NTRK3: variants seen among roughly 807,000 people sequenced by gnomAD.
The protein encoded by NTRK3 is NT-3 growth factor receptor.
In NTRK3, 24 loss-of-function variants were observed where a neutral mutation model predicts 91.7. The observed-to-expected ratio is 0.26, with a 90% CI of 0.19 to 0.37. NTRK3 has a LOEUF of 0.37. Ranked by LOEUF, NTRK3 falls within the 10% of genes least tolerant of loss-of-function variation. The pLI is 1.00. For synonymous variants in NTRK3, 483 were observed against 404.0 expected (o/e 1.20, Z -2.34); for missense variants, 880 against 1,068.9 (o/e 0.82, Z 2.46).
intron 14 of NTRK3, among the ~76,000 whole-genome samples, chr15:87,942,954 T>C (rs530010056): frequency 2.0e-5 from 3 of 152,284 alleles, no homozygotes; most frequent in South Asian, 2.1e-4. Flanking sequence ...CATCAGGACA[T>C]GGCAGGGTTG....
At chr15:88,076,565 C>T (rs2047559876) in intron 13 of NTRK3, among the ~76,000 whole-genome samples, 2 of 151,538 alleles carry the variant, frequency 1.3e-5, no homozygotes, top group South Asian at 4.2e-4. Context: ...CTACCACATG[C>T]CAAAAACTGC....
intron 14 of NTRK3, among the ~76,000 whole-genome samples, chr15:88,012,773 T>C (rs80124193): frequency 0.03 from 4,564 of 152,316 alleles, 240 homozygotes; most frequent in African/African-American, 0.1. Context: ...ACCAATATCT[T>C]ATACTGTGCT....
chr15:88,086,012 G>C (rs572128341), intron 13 of NTRK3, among the ~76,000 whole-genome samples: 1 of 152,194 alleles, frequency 6.6e-6, no homozygotes, highest in Non-Finnish European at 1.5e-5. Context: ...CAGTCTAAGA[G>C]GCATATGTCA....
intron 13 of NTRK3, among the ~76,000 whole-genome samples, chr15:88,097,869 G>A (rs1378663229): frequency 6.6e-6 from 1 of 152,238 alleles, no homozygotes; most frequent in African/African-American, 2.4e-5. Flanking sequence ...ATTTTGGGGT[G>A]CTAGCACAAG....
chr15:87,943,929 A>G (rs2070161621), intron 14 of NTRK3, among the ~76,000 whole-genome samples: 1 of 152,046 alleles, frequency 6.6e-6, no homozygotes, highest in African/African-American at 2.4e-5. Context: ...GCCCAAGCAG[A>G]AGCCTCCGTG....
In NTRK3 at chr15:88,096,643, T is replaced by C. The variant is rs541830513; in HGVS notation, c.1396+29628A>G. Among the ~76,000 whole-genome samples the C allele has an allele frequency of 4.9e-4, 74 of 152,280 alleles. 3 individuals are homozygous for C. The South Asian group carries it at 7.9e-3, about 16-fold the overall frequency. ...CAACCCAGAAGTGTGGGGTAATTAA[T>C]ACCACTGGAACAACCCATAACTAAT... is the stretch of plus-strand genomic sequence containing the variant. On this transcript the variant is annotated intron_variant, in intron 13 of 18. Transcript: ENST00000394480.
chr15:87,898,823 TAAAAAAAA>T (rs34425235), intron 17 of NTRK3, among the ~76,000 whole-genome samples: 1 of 103,986 alleles, frequency 9.6e-6, no homozygotes, highest in Non-Finnish European at 1.9e-5. Flanking sequence ...CTGTCTCTAC[TAAAAAAAA>T]AAAAAAAAAA....
intron 16 of NTRK3, chr15:87,931,131 T>A (rs2068758749): frequency 8.5e-6 from 4 of 469,334 alleles, no homozygotes; most frequent in African/African-American, 2.0e-5. Context: ...TTTATTTCCC[T>A]CCTACTATCT....
At chr15:88,252,209 T>G (rs74027926) in intron 3 of NTRK3, among the ~76,000 whole-genome samples, 3,030 of 152,210 alleles carry the variant, frequency 0.02, 108 homozygotes, top group African/African-American at 0.069. Context: ...CACCAAACTG[T>G]GCCTACCGAG....
intron 16 of NTRK3, among the ~76,000 whole-genome samples, chr15:87,931,566 A>G (rs1350061835): frequency 6.6e-6 from 1 of 152,234 alleles, no homozygotes; most frequent in African/African-American, 2.4e-5. Flanking sequence ...CCAATTTGCA[A>G]CTAAGATGTG....
At chr15:87,994,214 A>C (rs2075510295) in intron 14 of NTRK3, among the ~76,000 whole-genome samples, 1 of 152,152 alleles carries the variant, frequency 6.6e-6, no homozygotes, top group Non-Finnish European at 1.5e-5. Context: ...CAACAGACAA[A>C]GCATAGCAAA....
Position 88,032,411 on chromosome 15 carries a change from A to G in NTRK3, c.1585+446T>C, listed in dbSNP as rs183042694. Among the ~76,000 whole-genome samples, 17 of 152,168 alleles carry G rather than the reference A, an allele frequency of 1.1e-4. No individual in the cohort carries two copies. The East Asian group carries it at 1.7e-3, about 16-fold the overall frequency. ...CGGGGCACTGGAGGGGCAGCTAGAGAGATGTTTCCATTCAAAGGTACTCAC... is the reference window on the plus strand; with the variant it reads ...CGGGGCACTGGAGGGGCAGCTAGAGGGATGTTTCCATTCAAAGGTACTCAC... On this transcript the variant is annotated intron_variant, in intron 14 of 18. Coordinates refer to ENST00000394480, the Ensembl canonical transcript of NTRK3.
At chr15:88,147,370 C>G (rs138266478) in exon 6 of NTRK3, 4 of 1,613,786 alleles carry the variant, frequency 2.5e-6, no homozygotes, top group East Asian at 2.2e-5. Context: ...AGAGCTGCCA[C>G]GAGAGTGTGG....
At chr15:87,889,945 CATTTATTTATTTATTT>C (rs34147113) in intron 17 of NTRK3, among the ~76,000 whole-genome samples, 5 of 139,190 alleles carry the variant, frequency 3.6e-5, no homozygotes, top group South Asian at 2.3e-4. Context: ...CCCAACTTTC[CATTTATTTATTTATTT>C]ATTTATTTAT....
intron 10 of NTRK3, among the ~76,000 whole-genome samples, chr15:88,134,128 C>G (rs1400057167): frequency 6.6e-6 from 1 of 152,194 alleles, no homozygotes; most frequent in Non-Finnish European, 1.5e-5. Context: ...AGTTTTTACA[C>G]TGTATCCCAT....
At chr15:88,061,099 C>A (rs1377574458) in intron 13 of NTRK3, among the ~76,000 whole-genome samples, 1 of 151,738 alleles carries the variant, frequency 6.6e-6, no homozygotes, top group African/African-American at 2.4e-5. Context: ...AAAAAGAGAC[C>A]CCCTTGTTGA....
chr15:88,111,877 A>G (rs1243330835), intron 13 of NTRK3, among the ~76,000 whole-genome samples: 2 of 149,772 alleles, frequency 1.3e-5, no homozygotes, highest in Non-Finnish European at 1.5e-5. Flanking sequence ...CTGGATTCCA[A>G]GTTCTGGTTT....
At chr15:88,228,686 C>G (rs1454041044) in intron 3 of NTRK3, among the ~76,000 whole-genome samples, 1 of 152,178 alleles carries the variant, frequency 6.6e-6, no homozygotes, top group Non-Finnish European at 1.5e-5. Context: ...GGGGTCATCA[C>G]TGTGATCCTC....
chr15:88,106,164 C>A (rs1478958281), intron 13 of NTRK3, among the ~76,000 whole-genome samples: 1 of 152,212 alleles, frequency 6.6e-6, no homozygotes, highest in Non-Finnish European at 1.5e-5. Flanking sequence ...CTGAAATGCC[C>A]CACAGTGGAT....
Sources: allele counts gnomAD v4.1 joint callset (sites outside exome capture counted in the v4.1 genomes callset), GRCh38; gene constraint gnomAD v4.1.1; transcripts MANE v1.5; gene names NCBI Gene and HGNC (gene_info 2026-07-23, HGNC 2026-07-21).